DPP10: variants seen among roughly 807,000 people sequenced by gnomAD.
The protein encoded by DPP10 is dipeptidyl peptidase like 10, also known as inactive dipeptidyl peptidase 10.
Under a neutral mutation model 120.9 loss-of-function variants are expected in DPP10, and 33 were observed. The observed-to-expected ratio is 0.27, with a 90% confidence interval of 0.21 to 0.37. DPP10 has a LOEUF of 0.37. Among genes scored for constraint, DPP10 ranks in the 10% least tolerant of loss-of-function variants. The probability of loss-of-function intolerance (pLI) is 1.00; values close to 1 mark genes in which losing one functional copy is unlikely to be tolerated. For missense variants in DPP10, 816 were observed against 942.8 expected, an observed-to-expected ratio of 0.87 and a Z score of 1.76; for synonymous variants, 337 against 326.1, an observed-to-expected ratio of 1.03 and a Z score of -0.36.
chr2:115,759,429 T>C (rs1679828184), intron 11 of DPP10, among the ~76,000 whole-genome samples: 1 of 151,438 alleles, frequency 6.6e-6, no homozygotes, highest in Non-Finnish European at 1.5e-5. Flanking sequence ...TCAACTTCAT[T>C]AGACATTAGC....
chr2:114,574,121 C>T (rs1268053220), intron 1 of DPP10, among the ~76,000 whole-genome samples: 1 of 152,174 alleles, frequency 6.6e-6, no homozygotes, highest in Admixed American at 6.5e-5. Context: ...CAGGACATTT[C>T]TGGGCAAGGG....
chr2:115,286,788 A>G (rs1410450374), intron 1 of DPP10, among the ~76,000 whole-genome samples: 7 of 151,648 alleles, frequency 4.6e-5, no homozygotes, highest in African/African-American at 1.2e-4. Flanking sequence ...AAAAAAGAAC[A>G]TGATCACTGA....
At chr2:115,026,440 G>C (rs898344100) in intron 1 of DPP10, among the ~76,000 whole-genome samples, 1 of 152,076 alleles carries the variant, frequency 6.6e-6, no homozygotes, top group Non-Finnish European at 1.5e-5. Flanking sequence ...TTTAAAGTTA[G>C]GTAGTATGAT....
intron 1 of DPP10, among the ~76,000 whole-genome samples, chr2:114,741,764 G>A (rs1678089495): frequency 6.6e-6 from 1 of 152,114 alleles, no homozygotes; most frequent in East Asian, 1.9e-4. Flanking sequence ...TGAAGATGGA[G>A]GCAGATGCTG....
At chr2:114,467,377 A>C (rs946554302) in intron 1 of DPP10, among the ~76,000 whole-genome samples, 1 of 152,236 alleles carries the variant, frequency 6.6e-6, no homozygotes, top group African/African-American at 2.4e-5. Context: ...TGCCAGGCAG[A>C]AACATGCGTG....
At chr2:115,484,177 C>T (rs1195775579) in intron 3 of DPP10, among the ~76,000 whole-genome samples, 3 of 151,674 alleles carry the variant, frequency 2.0e-5, no homozygotes, top group African/African-American at 7.3e-5. Context: ...TGCACACATA[C>T]ATGTGCACAT....
chr2:114,503,173 C>T (rs1278652765), intron 1 of DPP10, among the ~76,000 whole-genome samples: 2 of 152,178 alleles, frequency 1.3e-5, no homozygotes, highest in Non-Finnish European at 2.9e-5. Flanking sequence ...TGCACAGATG[C>T]TCTAAGTGCT....
chr2:115,255,371 C>T (rs1374133326), intron 1 of DPP10, among the ~76,000 whole-genome samples: 1 of 152,166 alleles, frequency 6.6e-6, no homozygotes, highest in East Asian at 1.9e-4. Flanking sequence ...CCCAGGCCCA[C>T]AAAACCATTT....
intron 1 of DPP10, among the ~76,000 whole-genome samples, chr2:114,507,993 T>G (rs936949900): frequency 6.6e-6 from 1 of 152,184 alleles, no homozygotes; most frequent in Non-Finnish European, 1.5e-5. Flanking sequence ...CTTTTCTTCC[T>G]TTTTTCCTTC....
intron 1 of DPP10, among the ~76,000 whole-genome samples, chr2:115,072,843 T>C (rs4849376): frequency 0.97 from 146,930 of 151,058 alleles, 71,594 homozygotes; most frequent in Middle Eastern, 1. Flanking sequence ...AGTGCAGTGG[T>C]GTGATCTCAG....
chr2:114,876,188 C>T (rs929641913), intron 1 of DPP10, among the ~76,000 whole-genome samples: 7 of 152,038 alleles, frequency 4.6e-5, no homozygotes, highest in Admixed American at 2.0e-4. Context: ...GTCTCTATAA[C>T]GATCCTCTAA....
intron 1 of DPP10, among the ~76,000 whole-genome samples, chr2:115,039,759 C>T (rs550872287): frequency 4.1e-4 from 63 of 152,174 alleles, no homozygotes; most frequent in African/African-American, 1.3e-3. Context: ...TTAATTGTGA[C>T]GCACTCTACC....
intron 1 of DPP10, among the ~76,000 whole-genome samples, chr2:114,672,908 G>C (rs1698436690): frequency 6.6e-6 from 1 of 152,000 alleles, no homozygotes; most frequent in African/African-American, 2.4e-5. Flanking sequence ...TCTGGTTCTG[G>C]GATATTGCTA....
intron 1 of DPP10, among the ~76,000 whole-genome samples, chr2:115,012,149 G>T (rs1371322705): frequency 1.3e-5 from 2 of 152,196 alleles, no homozygotes; most frequent in African/African-American, 2.4e-5. Flanking sequence ...CCCAAGGAGA[G>T]ACTGAATTCA....
intron 1 of DPP10, among the ~76,000 whole-genome samples, chr2:114,761,858 C>A (rs1018729628): frequency 2.6e-5 from 4 of 152,160 alleles, no homozygotes; most frequent in Non-Finnish European, 5.9e-5. Context: ...TCTGAGAAGA[C>A]TTCAGATAAG....
intron 1 of DPP10, among the ~76,000 whole-genome samples, chr2:114,852,119 ATTT>A (rs1212009018): frequency 1.1e-4 from 4 of 36,650 alleles, no homozygotes; most frequent in Admixed American, 7.5e-4. Flanking sequence ...TATGCCTATT[ATTT>A]TTTGGGAAAT....
In DPP10 at chr2:115,083,867, G is replaced by T. The variant is rs577395871; in HGVS notation, c.61-225372G>T. 2.0e-5 allele frequency among the ~76,000 whole-genome samples: 3 copies of T among 152,302 alleles called. No homozygotes were observed. In the South Asian group the frequency reaches 6.2e-4, roughly 32 times the overall value. The stretch of plus-strand genomic sequence containing the variant: ...TAAACCTGAAATCTGTTTGCCTTAG[G>T]ATTGTCAAAGATTAACAAAGCGGGA... On this transcript the variant is annotated intron_variant, in intron 1 of 25. Coordinates refer to ENST00000410059, the MANE Select transcript of DPP10 (RefSeq NM_020868.6).
At chr2:115,583,741 C>A (rs1671688927) in intron 5 of DPP10, among the ~76,000 whole-genome samples, 1 of 152,142 alleles carries the variant, frequency 6.6e-6, no homozygotes, top group Admixed American at 6.5e-5. Flanking sequence ...TAGACACAAC[C>A]TCTCAGGGAG....
chr2:115,402,757 A>T (rs945703313), intron 3 of DPP10, among the ~76,000 whole-genome samples: 1 of 150,536 alleles, frequency 6.6e-6, no homozygotes, highest in African/African-American at 2.4e-5. Context: ...ATTCAAAAAA[A>T]CTGAAGTATA....
Sources: allele counts gnomAD v4.1 joint callset (sites outside exome capture counted in the v4.1 genomes callset), GRCh38; gene constraint gnomAD v4.1.1; transcripts MANE v1.5; gene names NCBI Gene and HGNC (gene_info 2026-07-23, HGNC 2026-07-21).